CCDC60: variants seen among roughly 807,000 people sequenced by gnomAD.
CCDC60 encodes the protein coiled-coil domain-containing protein 60.
A neutral mutation model predicts 63.5 loss-of-function variants in CCDC60; 54 were observed. That is an observed-to-expected ratio of 0.85 (90% CI 0.68 to 1.07). The LOEUF is 1.07. Among genes scored for constraint, CCDC60 ranks in the 50% least tolerant of loss-of-function variants. The pLI, the probability that CCDC60 is intolerant of heterozygous loss-of-function variation, is 0.00. For synonymous variants in CCDC60, 206 were observed against 238.8 expected (o/e 0.86, Z 1.27); for missense variants, 651 against 684.3 (o/e 0.95, Z 0.54).
intron 1 of CCDC60, among the ~76,000 whole-genome samples, chr12:119,421,060 G>A (rs974660602): frequency 3.9e-5 from 6 of 151,928 alleles, no homozygotes; most frequent in African/African-American, 9.7e-5. Context: ...ACCCCTCGAC[G>A]GAGCATCCCA....
intron 1 of CCDC60, among the ~76,000 whole-genome samples, chr12:119,406,758 G>C (rs1037378724): frequency 2.6e-5 from 4 of 151,318 alleles, no homozygotes; most frequent in Admixed American, 1.3e-4. Context: ...GCCAAGTCTT[G>C]GTGCTCCAGC....
intron 1 of CCDC60, among the ~76,000 whole-genome samples, chr12:119,358,576 C>T (rs1224374223): frequency 2.0e-5 from 3 of 152,172 alleles, no homozygotes; most frequent in Admixed American, 6.5e-5. Context: ...AAAAAACCCC[C>T]TCAAACATCC....
At position 119,507,596 on chromosome 12, in the gene CCDC60, A is replaced by T. The variant is rs1279145469; in HGVS notation, c.883+2293A>T. ...TATATATACACATATATATACATATATATATATATATATATATATTTTTTT... is the reference window on the plus strand; with the variant it reads ...TATATATACACATATATATACATATTTATATATATATATATATATTTTTTT... On this transcript the variant is annotated intron_variant, in intron 7 of 13. Transcript: ENST00000327554. Among the ~76,000 whole-genome samples, 97 of 16,914 alleles carry T rather than the reference A, an allele frequency of 5.7e-3. 6 individuals carry two copies. The highest frequency in any genetic ancestry group is 0.036 in the African/African-American group (76 of 2,138). 11.1% of individuals were successfully genotyped at this position (16,914 alleles called of 152,430 possible).
At chr12:119,451,437 CT>C (rs1210520798) in intron 2 of CCDC60, among the ~76,000 whole-genome samples, 2 of 151,888 alleles carry the variant, frequency 1.3e-5, no homozygotes, top group African/African-American at 2.4e-5. Context: ...CTAGGTCTGC[CT>C]GTAATTTGTC....
intron 7 of CCDC60, among the ~76,000 whole-genome samples, chr12:119,513,113 A>G (rs954005664): frequency 1.3e-5 from 2 of 152,190 alleles, no homozygotes; most frequent in African/African-American, 4.8e-5. Context: ...AGCGGTCCCA[A>G]AGCTCGTGGT....
chr12:119,491,705 G>C (rs1340432154), intron 5 of CCDC60, among the ~76,000 whole-genome samples: 1 of 149,842 alleles, frequency 6.7e-6, no homozygotes, highest in African/African-American at 2.5e-5. Flanking sequence ...CTAGGTAAAA[G>C]CAATATCTTT....
At chr12:119,512,215 G>A (rs189842364) in intron 7 of CCDC60, among the ~76,000 whole-genome samples, 4 of 152,308 alleles carry the variant, frequency 2.6e-5, no homozygotes, top group African/African-American at 4.8e-5. Context: ...TGAGCCAACT[G>A]CAGGTACCCA....
intron 1 of CCDC60, among the ~76,000 whole-genome samples, chr12:119,348,157 C>G (rs941495917): frequency 1.3e-5 from 2 of 152,148 alleles, no homozygotes; most frequent in African/African-American, 4.8e-5. Context: ...TATTTTTAGA[C>G]CTTTTAAAAG....
intron 1 of CCDC60, among the ~76,000 whole-genome samples, chr12:119,419,515 G>A (rs1956770228): frequency 6.6e-6 from 1 of 152,166 alleles, no homozygotes; most frequent in African/African-American, 2.4e-5. Context: ...GTGTCCGCCA[G>A]ACCTCACCGT....
At chr12:119,507,291 G>A (rs1031074851) in intron 7 of CCDC60, among the ~76,000 whole-genome samples, 1 of 151,538 alleles carries the variant, frequency 6.6e-6, no homozygotes, top group African/African-American at 2.4e-5. Context: ...AATCCCCACC[G>A]CCCCTGCCTG....
At chr12:119,538,160 C>G (rs1163837752) in intron 13 of CCDC60, among the ~76,000 whole-genome samples, 2 of 152,244 alleles carry the variant, frequency 1.3e-5, no homozygotes, top group African/African-American at 4.8e-5. Flanking sequence ...TGCTGCCTCA[C>G]AGGTTGATCT....
At chr12:119,395,056 T>C (rs1293163920) in intron 1 of CCDC60, among the ~76,000 whole-genome samples, 1 of 152,184 alleles carries the variant, frequency 6.6e-6, no homozygotes, top group Non-Finnish European at 1.5e-5. Flanking sequence ...AGAAACAGCA[T>C]TGCCTACAGA....
intron 8 of CCDC60, among the ~76,000 whole-genome samples, chr12:119,517,826 G>A (rs1593204306): frequency 2.6e-5 from 4 of 152,140 alleles, no homozygotes; most frequent in Admixed American, 1.3e-4. Context: ...TAAGACATCC[G>A]CTTTCTGGTG....
In CCDC60 at chr12:119,420,403, C is replaced by T. The variant is rs1261558326; in HGVS notation, c.91-8280C>T. Reference sequence around the variant, plus strand: ...AAGAGTGAGATCCAGTTATTTGCAACAACATGGATGGAACTGGAGATCATT... The same window carrying T: ...AAGAGTGAGATCCAGTTATTTGCAATAACATGGATGGAACTGGAGATCATT... On this transcript the variant is annotated intron_variant, in intron 1 of 13. Transcript: ENST00000327554. This position sits in a 1 kb window ranked among gnomAD's most constrained non-coding sequence, Gnocchi z 4.1. 6.6e-6 allele frequency among the ~76,000 whole-genome samples: 1 copy of T among 152,154 alleles called. No individual in the cohort carries two copies. Among genetic ancestry groups the T allele is most frequent in the Non-Finnish European group, 1.5e-5 (1 of 68,040 alleles).
rs1950748902 is a variant in CCDC60, at chr12:119,456,302, A to C, written c.171-15692A>C. On this transcript the variant is annotated intron_variant, in intron 2 of 13. Coordinates refer to ENST00000327554, the MANE Select transcript of CCDC60 (RefSeq NM_178499.5). This position sits in a 1 kb window ranked among gnomAD's most constrained non-coding sequence, Gnocchi z 4.6. ...CCAGGTGGCCAATAGGAAGGAAAAGACCTGGTGGGAAACTACCTAAAGTAA... is the reference window on the plus strand; with the variant it reads ...CCAGGTGGCCAATAGGAAGGAAAAGCCCTGGTGGGAAACTACCTAAAGTAA... Among the ~76,000 whole-genome samples, 1 of 152,218 alleles carries C rather than the reference A, an allele frequency of 6.6e-6. No homozygotes were observed. Among genetic ancestry groups the C allele is most frequent in the African/African-American group, 2.4e-5 (1 of 41,450 alleles).
intron 3 of CCDC60, among the ~76,000 whole-genome samples, chr12:119,477,091 G>C (rs1165623736): frequency 6.6e-6 from 1 of 152,216 alleles, no homozygotes; most frequent in African/African-American, 2.4e-5. Context: ...GTGGCAAGTT[G>C]TATTTGGCTG....
intron 1 of CCDC60, among the ~76,000 whole-genome samples, chr12:119,411,587 G>A (rs1172519575): frequency 6.6e-6 from 1 of 152,070 alleles, no homozygotes; most frequent in Non-Finnish European, 1.5e-5. Context: ...CCCTTGTGAT[G>A]GGTGAGGTAA....
At chr12:119,482,285 C>A (rs977040521) in intron 4 of CCDC60, among the ~76,000 whole-genome samples, 1 of 151,742 alleles carries the variant, frequency 6.6e-6, no homozygotes, top group African/African-American at 2.4e-5. Flanking sequence ...GATCTCCTGA[C>A]AGCTAAGTCA....
At chr12:119,472,827 C>T (rs1416133438) in intron 3 of CCDC60, among the ~76,000 whole-genome samples, 1 of 151,958 alleles carries the variant, frequency 6.6e-6, no homozygotes, top group Admixed American at 6.6e-5. Context: ...GTGGTCTGCC[C>T]GCCTGAGCTT....
Sources: allele counts gnomAD v4.1 joint callset (sites outside exome capture counted in the v4.1 genomes callset), GRCh38; gene constraint gnomAD v4.1.1; non-coding constraint Gnocchi (gnomAD v3.1); transcripts MANE v1.5; gene names NCBI Gene and HGNC (gene_info 2026-07-23, HGNC 2026-07-21).